GRIN2A: variants seen among roughly 807,000 people sequenced by gnomAD.
The protein encoded by GRIN2A is glutamate receptor ionotropic, NMDA 2A.
A neutral mutation model predicts 113.4 loss-of-function variants in GRIN2A; 22 were observed. The ratio of observed to expected loss-of-function variants is 0.19; its 90% CI spans 0.14 to 0.28. The LOEUF (loss-of-function observed/expected upper bound fraction) is 0.28, where lower values mean the gene tolerates loss of function less well. Ranked by LOEUF, GRIN2A falls within the 10% of genes least tolerant of loss-of-function variation. The pLI is 1.00. For missense variants in GRIN2A, 1,502 were observed against 1,887.0 expected, an observed-to-expected ratio of 0.80 and a Z score of 3.78; for synonymous variants, 827 against 738.4, an observed-to-expected ratio of 1.12 and a Z score of -1.94.
At position 9,909,705 on chromosome 16, in the gene GRIN2A, T is replaced by C. The variant is rs1349329042; in HGVS notation, c.1008-18605A>G. Among the ~76,000 whole-genome samples the C allele has an allele frequency of 1.1e-4, 16 of 152,236 alleles. No individual in the cohort carries two copies. In the East Asian group the frequency reaches 3.1e-3, roughly 29 times the overall value. ...AAGTGTATTTGAGATGGTACACAGA[T>C]GCATTTAGATGGCACATGGGCAAAC... On this transcript the variant is annotated intron_variant, in intron 3 of 12. Transcript: ENST00000330684.
At chr16:10,181,305 C>A (rs568030166) in intron 1 of GRIN2A, among the ~76,000 whole-genome samples, 2 of 152,326 alleles carry the variant, frequency 1.3e-5, no homozygotes, top group South Asian at 4.1e-4. Context: ...CGCGGGCCAG[C>A]GCGTAGGAGC....
intron 2 of GRIN2A, among the ~76,000 whole-genome samples, chr16:10,035,967 G>T (rs539764662): frequency 6.6e-6 from 1 of 152,098 alleles, no homozygotes; most frequent in South Asian, 2.1e-4. Context: ...CAAGTGATCC[G>T]CCTGCCTGGG....
At chr16:9,968,351 T>C (rs1189567277) in intron 2 of GRIN2A, among the ~76,000 whole-genome samples, 1 of 152,228 alleles carries the variant, frequency 6.6e-6, no homozygotes, top group Admixed American at 6.5e-5. Flanking sequence ...TTCGCTCTTA[T>C]TACCCAGGCT....
intron 2 of GRIN2A, among the ~76,000 whole-genome samples, chr16:10,042,776 C>T (rs999224732): frequency 1.3e-5 from 2 of 152,110 alleles, no homozygotes; most frequent in African/African-American, 4.8e-5. Context: ...CATTTACTAA[C>T]TCACACCTAA....
intron 2 of GRIN2A, among the ~76,000 whole-genome samples, chr16:10,138,658 A>G (rs753560692): frequency 6.3e-4 from 95 of 151,996 alleles, no homozygotes; most frequent in Non-Finnish European, 5.3e-4. Context: ...GACACTGTGC[A>G]CTCTGTTTCC....
In GRIN2A at chr16:9,910,863, T is replaced by G. The variant is rs531583581; in HGVS notation, c.1008-19763A>C. The stretch of plus-strand genomic sequence containing the variant: ...TTAGAGTTCTTTTGATTCAATCTTC[T>G]GCCCCTGAATCATTTCTACAATACC... On this transcript the variant is annotated intron_variant, in intron 3 of 12. Transcript: ENST00000330684. 1.8e-4 allele frequency among the ~76,000 whole-genome samples: 28 copies of G among 152,240 alleles called. No homozygotes were observed. In the South Asian group the frequency reaches 5.6e-3, roughly 30 times the overall value.
intron 2 of GRIN2A, among the ~76,000 whole-genome samples, chr16:10,162,513 T>G (rs1055397815): frequency 9.9e-5 from 15 of 152,248 alleles, no homozygotes; most frequent in African/African-American, 3.6e-4. Flanking sequence ...GCAGGATTGC[T>G]CCTCTGAAAA....
intron 2 of GRIN2A, among the ~76,000 whole-genome samples, chr16:10,024,376 C>T (rs547082852): frequency 1.3e-5 from 2 of 152,274 alleles, no homozygotes; most frequent in South Asian, 2.1e-4. Flanking sequence ...GTGTGTGCCA[C>T]CACACCCAGC....
chr16:10,034,694 AT>A (rs1446259092), intron 2 of GRIN2A, among the ~76,000 whole-genome samples: 2 of 152,008 alleles, frequency 1.3e-5, no homozygotes, highest in African/African-American at 4.8e-5. Context: ...TGGTCTATCT[AT>A]TCAGGAGACT....
Position 9,763,359 on chromosome 16 carries a change from C to A in GRIN2A, c.4185G>T (p.Ala1395=), listed in dbSNP as rs778429009. The part of the protein sequence containing the change: ...DPYKHSLPSQ[A]VNDSYLRSSL... Reference sequence around the variant, plus strand: ...ACGACCGAAGATAGCTGTCATTCACCGCCTGGGATGGCAACGAGTGTTTGT... The same window carrying A: ...ACGACCGAAGATAGCTGTCATTCACAGCCTGGGATGGCAACGAGTGTTTGT... Residue 1395 remains alanine, a synonymous_variant, in exon 13 of 13, where the codon GCG becomes GCT. Coordinates refer to ENST00000330684, the MANE Select transcript of GRIN2A (RefSeq NM_001134407.3). 1.2e-6 allele frequency: 2 copies of A among 1,614,096 alleles called. No individual in the cohort carries two copies. The highest frequency in any genetic ancestry group is 8.5e-7 in the Non-Finnish European group (1 of 1,180,006).
Position 9,858,303 on chromosome 16 carries a change from A to G in GRIN2A, c.1123-8342T>C, listed in dbSNP as rs2043002612. ...GACATTCACTAGGCACTTATTATGTATCAGGCACCATTCTTAGTGCTATTT... is the reference window on the plus strand; with the variant it reads ...GACATTCACTAGGCACTTATTATGTGTCAGGCACCATTCTTAGTGCTATTT... On this transcript the variant is annotated intron_variant, in intron 4 of 12. Transcript: ENST00000330684. 2.6e-5 allele frequency among the ~76,000 whole-genome samples: 4 copies of G among 152,206 alleles called. No individual in the cohort carries two copies. The South Asian group carries it at 8.3e-4, about 32-fold the overall frequency.
intron 2 of GRIN2A, among the ~76,000 whole-genome samples, chr16:10,109,081 A>C (rs2048558232): frequency 6.6e-6 from 1 of 151,804 alleles, no homozygotes; most frequent in African/African-American, 2.4e-5. Context: ...AAAAGAGACT[A>C]TCAGAAATAA....
intron 3 of GRIN2A, among the ~76,000 whole-genome samples, chr16:9,931,948 A>G (rs773151198): frequency 3.3e-5 from 5 of 152,236 alleles, no homozygotes; most frequent in South Asian, 2.1e-4. Flanking sequence ...ATATGCTTGA[A>G]CCAAGCCCCA....
At chr16:10,090,430 G>A (rs2048164900) in intron 2 of GRIN2A, among the ~76,000 whole-genome samples, 1 of 152,098 alleles carries the variant, frequency 6.6e-6, no homozygotes, top group Non-Finnish European at 1.5e-5. Flanking sequence ...TAATTTGATA[G>A]GAAAAAGATA....
At chr16:9,893,283 G>C (rs931873220) in intron 3 of GRIN2A, among the ~76,000 whole-genome samples, 1 of 152,130 alleles carries the variant, frequency 6.6e-6, no homozygotes, top group Admixed American at 6.5e-5. Context: ...AGGGTTATGG[G>C]TATTTTTCAT....
intron 4 of GRIN2A, among the ~76,000 whole-genome samples, chr16:9,853,390 G>C (rs2042917184): frequency 2.0e-5 from 3 of 152,130 alleles, no homozygotes; most frequent in African/African-American, 7.2e-5. Context: ...AATGGGGTTA[G>C]TGCTTTTATG....
At chr16:9,998,456 T>G (rs1434154957) in intron 2 of GRIN2A, among the ~76,000 whole-genome samples, 2 of 152,236 alleles carry the variant, frequency 1.3e-5, no homozygotes. Flanking sequence ...GAAAATGTTT[T>G]GGAAGTAGAG....
chr16:10,148,753 CAA>C (rs201541894), intron 2 of GRIN2A, among the ~76,000 whole-genome samples: 1,880 of 152,250 alleles, frequency 0.012, 36 homozygotes, highest in African/African-American at 0.043. Flanking sequence ...ATCAGTATAT[CAA>C]AGAGATATCT....
chr16:10,056,657 A>C (rs918451215), intron 2 of GRIN2A, among the ~76,000 whole-genome samples: 6 of 152,162 alleles, frequency 3.9e-5, no homozygotes, highest in Admixed American at 6.5e-5. Context: ...GAAGAGGAGA[A>C]AACACAGGAA....
Sources: allele counts gnomAD v4.1 joint callset (sites outside exome capture counted in the v4.1 genomes callset), GRCh38; gene constraint gnomAD v4.1.1; transcripts MANE v1.5; gene names NCBI Gene and HGNC (gene_info 2026-07-23, HGNC 2026-07-21).